Variants in DLG2 observed in about 807,000 individuals in gnomAD.
The protein encoded by DLG2 is discs large MAGUK scaffold protein 2.
In DLG2, 45 loss-of-function variants were observed where a neutral mutation model predicts 132.5. That is an observed-to-expected ratio of 0.34 (90% CI 0.27 to 0.44). The LOEUF is 0.44. Among genes scored for constraint, DLG2 ranks in the 20% least tolerant of loss-of-function variants. DLG2 has a pLI of 1.00. For synonymous variants in DLG2, 424 were observed against 419.6 expected (o/e 1.01, Z -0.13); for missense variants, 1,045 against 1,196.9 (o/e 0.87, Z 1.87).
chr11:84,452,851 A>C (rs944661049), intron 7 of DLG2, among the ~76,000 whole-genome samples: 2 of 151,744 alleles, frequency 1.3e-5, no homozygotes, highest in Non-Finnish European at 2.9e-5. Flanking sequence ...GTTTGAGTTC[A>C]GCCTCTACAA....
chr11:84,810,419 T>C (rs1011293199), intron 6 of DLG2, among the ~76,000 whole-genome samples: 2 of 152,114 alleles, frequency 1.3e-5, no homozygotes, highest in Non-Finnish European at 2.9e-5. Flanking sequence ...ACTAAGGACA[T>C]GCAAATTAAA....
At chr11:83,830,133 G>T (rs542255834) in intron 17 of DLG2, among the ~76,000 whole-genome samples, 5 of 152,110 alleles carry the variant, frequency 3.3e-5, no homozygotes, top group Non-Finnish European at 2.9e-5. Context: ...ACTGAAAAAA[G>T]CAGATAATAT....
chr11:84,100,346 T>G (rs2092416398), intron 9 of DLG2, among the ~76,000 whole-genome samples: 1 of 147,198 alleles, frequency 6.8e-6, no homozygotes, highest in Non-Finnish European at 1.5e-5. Flanking sequence ...ATATATATCT[T>G]TCTAAAATTT....
chr11:85,269,209 T>C (rs2077384129), intron 4 of DLG2, among the ~76,000 whole-genome samples: 1 of 152,220 alleles, frequency 6.6e-6, no homozygotes, highest in East Asian at 1.9e-4. Flanking sequence ...CCTTGTAGAA[T>C]GCAGATTGGA....
At chr11:84,581,851 C>G (rs893213691) in intron 6 of DLG2, among the ~76,000 whole-genome samples, 3 of 143,942 alleles carry the variant, frequency 2.1e-5, no homozygotes, top group African/African-American at 5.2e-5. Flanking sequence ...AGGTTGCAGT[C>G]AGCCGAGATT....
intron 6 of DLG2, chr11:84,545,850 A>C (rs1430336880): frequency 1.3e-5 from 2 of 149,994 alleles, no homozygotes; most frequent in Admixed American, 1.5e-4. Context: ...CTGCCTCCTG[A>C]GTTTAAGTGA....
At chr11:84,671,153 G>C (rs1017256598) in intron 6 of DLG2, among the ~76,000 whole-genome samples, 3 of 151,418 alleles carry the variant, frequency 2.0e-5, no homozygotes, top group African/African-American at 7.3e-5. Flanking sequence ...GGAGTGCAGT[G>C]GTGAGATCAC....
At chr11:84,467,572 C>T (rs1477761201) in intron 7 of DLG2, among the ~76,000 whole-genome samples, 1 of 151,088 alleles carries the variant, frequency 6.6e-6, no homozygotes, top group Non-Finnish European at 1.5e-5. Flanking sequence ...AGGCCAGTGG[C>T]ATAGGAGAAA....
intron 11 of DLG2, among the ~76,000 whole-genome samples, chr11:84,057,941 T>C (rs990267298): frequency 6.6e-6 from 1 of 152,180 alleles, no homozygotes; most frequent in Non-Finnish European, 1.5e-5. Flanking sequence ...CAGGCTCTAT[T>C]GCTTACCATG....
chr11:84,244,486 T>C (rs1410410467), intron 8 of DLG2, among the ~76,000 whole-genome samples: 1 of 152,184 alleles, frequency 6.6e-6, no homozygotes, highest in Admixed American at 6.5e-5. Context: ...CTCTTGCTTA[T>C]AAAGCAAAGC....
intron 7 of DLG2, among the ~76,000 whole-genome samples, chr11:84,372,845 T>C (rs565535854): frequency 4.6e-5 from 7 of 152,252 alleles, no homozygotes; most frequent in African/African-American, 1.4e-4. Flanking sequence ...AGTCCACTAG[T>C]TCCCATCTAA....
chr11:83,722,658 G>T (rs1408428595), intron 18 of DLG2, among the ~76,000 whole-genome samples: 1 of 152,128 alleles, frequency 6.6e-6, no homozygotes, highest in African/African-American at 2.4e-5. Context: ...CAGAGACACA[G>T]GTTCAAGTTC....
intron 7 of DLG2, among the ~76,000 whole-genome samples, chr11:84,396,680 G>A (rs186022409): frequency 5.9e-5 from 9 of 152,166 alleles, no homozygotes; most frequent in Admixed American, 5.2e-4. Flanking sequence ...CTCTTTCCTG[G>A]TGCAGATGAG....
At chr11:85,173,850 C>T (rs1389036261) in intron 4 of DLG2, among the ~76,000 whole-genome samples, 1 of 151,896 alleles carries the variant, frequency 6.6e-6, no homozygotes, top group Non-Finnish European at 1.5e-5. Flanking sequence ...GACTTTAAAC[C>T]AACAAAGATC....
chr11:83,514,416 A>G (rs1484743890), intron 21 of DLG2, among the ~76,000 whole-genome samples: 2 of 152,210 alleles, frequency 1.3e-5, no homozygotes, highest in Non-Finnish European at 2.9e-5. Context: ...TTATGAGCTT[A>G]AGGAGATTTT....
At chr11:83,861,946 T>C (rs909017308) in intron 16 of DLG2, among the ~76,000 whole-genome samples, 1 of 152,234 alleles carries the variant, frequency 6.6e-6, no homozygotes, top group South Asian at 2.1e-4. Context: ...CATGTGCTTA[T>C]TTCACATTGC....
At chr11:84,644,746 T>C (rs1565543154) in intron 6 of DLG2, among the ~76,000 whole-genome samples, 1 of 151,876 alleles carries the variant, frequency 6.6e-6, no homozygotes, top group Non-Finnish European at 1.5e-5. Context: ...ATGAAGTAAT[T>C]TTTTAAGCAG....
chr11:85,174,336 T>TA (rs1409301893), intron 4 of DLG2, among the ~76,000 whole-genome samples: 16 of 152,124 alleles, frequency 1.1e-4, no homozygotes, highest in Non-Finnish European at 2.2e-4. Context: ...ACCACACGAC[T>TA]ACATGGAAAT....
At chr11:85,205,988 T>C (rs1277517052) in intron 4 of DLG2, among the ~76,000 whole-genome samples, 1 of 152,202 alleles carries the variant, frequency 6.6e-6, no homozygotes, top group Non-Finnish European at 1.5e-5. Context: ...TCAAATCTCA[T>C]GTGGAATTGT....
Sources: allele counts gnomAD v4.1 joint callset (sites outside exome capture counted in the v4.1 genomes callset), GRCh38; gene constraint gnomAD v4.1.1; transcripts MANE v1.5; gene names NCBI Gene and HGNC (gene_info 2026-07-23, HGNC 2026-07-21).